The following LZTS1 variants were observed in gnomAD, a reference collection of about 807,000 sequenced individuals.
LZTS1 encodes the protein leucine zipper putative tumor suppressor 1.
A neutral mutation model predicts 45.8 loss-of-function variants in LZTS1; 31 were observed. The ratio of observed to expected loss-of-function variants is 0.68; its 90% CI spans 0.51 to 0.91. The LOEUF (loss-of-function observed/expected upper bound fraction) is 0.91. LZTS1 is among the 40% of genes least tolerant of loss of function. The pLI is 0.00. For synonymous variants in LZTS1, 359 were observed against 357.3 expected, an observed-to-expected ratio of 1.00 and a Z score of -0.05; for missense variants, 821 against 788.9, an observed-to-expected ratio of 1.04 and a Z score of -0.49.
intron 1 of LZTS1, among the ~76,000 whole-genome samples, chr8:20,271,114 G>T (rs550774937): frequency 1.3e-5 from 2 of 152,154 alleles, no homozygotes; most frequent in Non-Finnish European, 2.9e-5. Flanking sequence ...CAGGAAGCCT[G>T]TGGCCATTCC....
chr8:20,257,909 G>A (rs917426527), intron 1 of LZTS1, among the ~76,000 whole-genome samples: 2 of 151,994 alleles, frequency 1.3e-5, no homozygotes, highest in African/African-American at 2.4e-5. Context: ...CCTGACCTCA[G>A]GTGATCCACC....
chr8:20,259,998 C>T (rs556910293), intron 1 of LZTS1, among the ~76,000 whole-genome samples: 2 of 152,254 alleles, frequency 1.3e-5, no homozygotes, highest in South Asian at 4.2e-4. Flanking sequence ...AGCTGCTGGG[C>T]TCAAGTGATC....
chr8:20,295,996 T>C (rs1022144299), intron 1 of LZTS1, among the ~76,000 whole-genome samples: 20 of 152,126 alleles, frequency 1.3e-4, no homozygotes, highest in African/African-American at 4.6e-4. Flanking sequence ...TTCTCCCTCT[T>C]TACAGCAGGA....
intron 1 of LZTS1, among the ~76,000 whole-genome samples, chr8:20,302,459 A>G (rs539301885): frequency 6.6e-6 from 1 of 152,284 alleles, no homozygotes; most frequent in Non-Finnish European, 1.5e-5. Flanking sequence ...TTTTGAACTT[A>G]GAGAAAGCTC....
At chr8:20,302,063 ACTCCCAGTTGCTCCAT>A (rs1298795045) in intron 1 of LZTS1, among the ~76,000 whole-genome samples, 1 of 151,724 alleles carries the variant, frequency 6.6e-6, no homozygotes, top group East Asian at 1.9e-4. Flanking sequence ...TCTTACTAGG[ACTCCCAGTTGCTCCAT>A]CCTATTAGCT....
chr8:20,255,550 C>T (rs892939043), intron 1 of LZTS1, among the ~76,000 whole-genome samples: 5 of 152,182 alleles, frequency 3.3e-5, no homozygotes, highest in African/African-American at 1.2e-4. Flanking sequence ...GTGACTAAAA[C>T]AGTCACAGTC....
intron 1 of LZTS1, among the ~76,000 whole-genome samples, chr8:20,267,942 A>C (rs17092196): frequency 0.015 from 2,287 of 152,206 alleles, 70 homozygotes; most frequent in African/African-American, 0.053. Context: ...CCATTTCCTC[A>C]TGTGTCAGAT....
In LZTS1 at chr8:20,254,917, C is replaced by T. The variant is rs772090357; in HGVS notation, c.265G>A (p.Asp89Asn). 2 of 1,614,176 alleles carry T rather than the reference C, an allele frequency of 1.2e-6. No individual in the cohort carries two copies. The highest frequency in any genetic ancestry group is 1.1e-5 in the South Asian group (1 of 91,082). The change falls in exon 2 of 4, where the codon GAT (aspartate) becomes AAT (asparagine). Residue 89 changes from aspartate (D) to asparagine (N), a missense_variant. By Grantham distance (23) the Asp-to-Asn change is conservative. Transcript: ENST00000381569. Reference sequence around the variant, plus strand: ...TCCACCCCAGCCTGGCCCCCTAAATCCCCGCTGGACAGTGCCGTGTAATCT... The same window carrying T: ...TCCACCCCAGCCTGGCCCCCTAAATTCCCGCTGGACAGTGCCGTGTAATCT... ...HPDYTALSSG[D>N]LGGQAGVDFD...
intron 1 of LZTS1, among the ~76,000 whole-genome samples, chr8:20,272,099 A>C (rs1800484992): frequency 6.6e-6 from 1 of 152,254 alleles, no homozygotes; most frequent in South Asian, 2.1e-4. Flanking sequence ...TGAGCAGAAC[A>C]GAATCTGCCT....
At chr8:20,273,414 C>T (rs377577663) in intron 1 of LZTS1, among the ~76,000 whole-genome samples, 17 of 152,154 alleles carry the variant, frequency 1.1e-4, no homozygotes, top group African/African-American at 3.6e-4. Flanking sequence ...GAGCTCCTGC[C>T]CTAAACATCC....
At chr8:20,257,668 C>CTT (rs749462919) in intron 1 of LZTS1, among the ~76,000 whole-genome samples, 10 of 129,134 alleles carry the variant, frequency 7.7e-5, no homozygotes, top group African/African-American at 1.4e-4. Context: ...CACCCTTAAA[C>CTT]TTTTTTTTTT....
At chr8:20,303,162 A>C (rs1166219337) in intron 1 of LZTS1, among the ~76,000 whole-genome samples, 1 of 151,910 alleles carries the variant, frequency 6.6e-6, no homozygotes, top group Non-Finnish European at 1.5e-5. Flanking sequence ...CCACTTAGAC[A>C]CTTCGATTTA....
chr8:20,284,046 G>A (rs988097283), intron 1 of LZTS1, among the ~76,000 whole-genome samples: 3 of 152,276 alleles, frequency 2.0e-5, no homozygotes, highest in East Asian at 1.9e-4. Flanking sequence ...ATGGACTGGA[G>A]GTCAGGCATC....
At chr8:20,302,594 T>C (rs1801099876) in intron 1 of LZTS1, among the ~76,000 whole-genome samples, 1 of 152,230 alleles carries the variant, frequency 6.6e-6, no homozygotes, top group African/African-American at 2.4e-5. Flanking sequence ...CCTATTAGGC[T>C]GCACTTCCAG....
At chr8:20,251,151 A>ATATT (rs1799897713) in intron 3 of LZTS1, among the ~76,000 whole-genome samples, 1 of 105,106 alleles carries the variant, frequency 9.5e-6, no homozygotes, top group African/African-American at 3.3e-5. Context: ...ATATATATAA[A>ATATT]ATATAAAGTA....
chr8:20,300,395 T>C (rs1352196271), intron 1 of LZTS1, among the ~76,000 whole-genome samples: 1 of 152,096 alleles, frequency 6.6e-6, no homozygotes, highest in Non-Finnish European at 1.5e-5. Context: ...TGCAGTGATG[T>C]GATCTCGGCT....
intron 1 of LZTS1, among the ~76,000 whole-genome samples, chr8:20,284,815 A>T (rs1800758235): frequency 6.6e-6 from 1 of 152,118 alleles, no homozygotes; most frequent in Non-Finnish European, 1.5e-5. Flanking sequence ...ACAGATTTCA[A>T]CACTTGGGTC....
chr8:20,249,685 G>T lies in LZTS1; in HGVS notation c.*37C>A. The stretch of plus-strand genomic sequence containing the variant: ...ATGCACGGGAGAGCCCTGCCTCCCA[G>T]TGCCAGGTCCCCAGACTCGCCTTCC... On this transcript the variant is annotated 3_prime_UTR_variant, in exon 4 of 4. Transcript: ENST00000381569. The T allele has an allele frequency of 6.4e-7, 1 of 1,568,234 alleles. No homozygotes were observed. Among genetic ancestry groups the T allele is most frequent in the Non-Finnish European group, 8.6e-7 (1 of 1,161,414 alleles).
At chr8:20,296,168 G>A (rs572350750) in intron 1 of LZTS1, among the ~76,000 whole-genome samples, 6 of 152,206 alleles carry the variant, frequency 3.9e-5, no homozygotes, top group East Asian at 1.9e-4. Flanking sequence ...CAAGAAGAGT[G>A]AAAATGTCCC....
Sources: gnomAD v4.1 joint callset for allele counts (sites outside exome capture counted in the v4.1 genomes callset) on GRCh38, gnomAD v4.1.1 for gene constraint, MANE v1.5 for transcripts, NCBI Gene and HGNC (gene_info 2026-07-23, HGNC 2026-07-21) for gene names.